RELN: variants seen among roughly 807,000 people sequenced by gnomAD.
RELN encodes the protein reelin.
Under a neutral mutation model 427.6 loss-of-function variants are expected in RELN, and 108 were observed. The ratio of observed to expected loss-of-function variants is 0.25; its 90% CI spans 0.22 to 0.30. The LOEUF (loss-of-function observed/expected upper bound fraction) is 0.30. Among genes scored for constraint, RELN ranks in the 10% least tolerant of loss-of-function variants. RELN has a pLI of 1.00. For synonymous variants in RELN, 1,524 were observed against 1,513.4 expected, an observed-to-expected ratio of 1.01 and a Z score of -0.16; for missense variants, 3,715 against 4,302.8, an observed-to-expected ratio of 0.86 and a Z score of 3.82.
intron 20 of RELN, among the ~76,000 whole-genome samples, chr7:103,612,503 G>A (rs1288838605): frequency 1.3e-5 from 2 of 151,966 alleles, no homozygotes; most frequent in African/African-American, 4.8e-5. Context: ...TCGAACTCCC[G>A]ACCTCAGGTG....
intron 2 of RELN, among the ~76,000 whole-genome samples, chr7:103,868,500 G>C (rs752501673): frequency 2.0e-5 from 3 of 152,034 alleles, no homozygotes; most frequent in Non-Finnish European, 4.4e-5. Flanking sequence ...CTAAGAAATT[G>C]TCCTTAGTTT....
rs1017886128 is a variant in RELN, at chr7:103,968,842, A to T, written c.226+20289T>A. Reference sequence around the variant, plus strand: ...TTACAGACAAAACTTCATAATATTTAAAAGAATTTGTATATGAATTGTCAT... The same window carrying T: ...TTACAGACAAAACTTCATAATATTTTAAAGAATTTGTATATGAATTGTCAT... On this transcript the variant is annotated intron_variant, in intron 1 of 64. Coordinates refer to ENST00000428762, the MANE Select transcript of RELN (RefSeq NM_005045.4). The surrounding 1 kb of genome is among the most constrained non-coding windows in gnomAD (Gnocchi z 4.3). 2.0e-5 allele frequency among the ~76,000 whole-genome samples: 3 copies of T among 152,228 alleles called. No individual in the cohort carries two copies. Among genetic ancestry groups the T allele is most frequent in the African/African-American group, 7.2e-5 (3 of 41,460 alleles).
Position 103,565,135 on chromosome 7 carries a change from C to G in RELN, c.5210+143G>C, listed in dbSNP as rs987680921. 3 of 1,067,842 alleles carry G rather than the reference C, an allele frequency of 2.8e-6. No individual in the cohort carries two copies. In the African/African-American group the frequency reaches 4.7e-5, roughly 17 times the overall value. The allele number at this position is 1,067,842 out of a possible 1,614,324, so 66.1% of individuals were successfully genotyped here. ...CATTTAAAACTTGCAACCCAAAGCACCTTGCACTTTTTTTTCTTCCTGGCA... is the reference window on the plus strand; with the variant it reads ...CATTTAAAACTTGCAACCCAAAGCAGCTTGCACTTTTTTTTCTTCCTGGCA... On this transcript the variant is annotated intron_variant, in intron 34 of 64. Coordinates refer to ENST00000428762, the MANE Select transcript of RELN (RefSeq NM_005045.4).
chr7:103,870,889 C>A (rs1027872078), intron 2 of RELN, among the ~76,000 whole-genome samples: 1 of 152,128 alleles, frequency 6.6e-6, no homozygotes, highest in Non-Finnish European at 1.5e-5. Flanking sequence ...TGGTGCCTAG[C>A]TCCACAGATT....
At chr7:103,686,200 A>C (rs1833761588) in intron 10 of RELN, among the ~76,000 whole-genome samples, 1 of 152,114 alleles carries the variant, frequency 6.6e-6, no homozygotes. Flanking sequence ...GGCAGATGGA[A>C]TGAAATCTGC....
At chr7:103,888,366 A>T (rs10231740) in intron 2 of RELN, among the ~76,000 whole-genome samples, 40,381 of 151,988 alleles carry the variant, frequency 0.27, 6,045 homozygotes, top group African/African-American at 0.4. Context: ...TTACCAGGCA[A>T]CTTTATTAGC....
At chr7:103,838,197 A>C (rs1009364129) in intron 2 of RELN, among the ~76,000 whole-genome samples, 1 of 113,044 alleles carries the variant, frequency 8.8e-6, no homozygotes, top group East Asian at 2.9e-4. Flanking sequence ...CGACAGAGCG[A>C]GACTTCGTCT....
chr7:103,550,599 G>T (rs1830388883), intron 41 of RELN, among the ~76,000 whole-genome samples: 1 of 151,440 alleles, frequency 6.6e-6, no homozygotes, highest in Admixed American at 6.6e-5. Flanking sequence ...AGATGCCTGG[G>T]GGCAACGTGC....
chr7:103,766,925 G>A (rs1791438266), intron 4 of RELN, among the ~76,000 whole-genome samples: 1 of 152,226 alleles, frequency 6.6e-6, no homozygotes. Flanking sequence ...CACAACAACA[G>A]AGAATTCCAG....
chr7:103,840,040 A>G (rs1563044067), intron 2 of RELN, among the ~76,000 whole-genome samples: 1 of 152,176 alleles, frequency 6.6e-6, no homozygotes. Flanking sequence ...ATGAAAACAT[A>G]CTTGCTTCCC....
intron 11 of RELN, among the ~76,000 whole-genome samples, chr7:103,676,349 C>T (rs1833523971): frequency 6.6e-6 from 1 of 152,108 alleles, no homozygotes; most frequent in African/African-American, 2.4e-5. Flanking sequence ...GATACCATCT[C>T]ACACCAGTTA....
intron 5 of RELN, among the ~76,000 whole-genome samples, 181 bp from the exon 6 acceptor site, chr7:103,749,685 G>A (rs71582886): frequency 0.02 from 3,072 of 152,262 alleles, 40 homozygotes; most frequent in Non-Finnish European, 0.031. Flanking sequence ...AAAAAGCTCT[G>A]CGGTTTAAAC....
At chr7:103,729,059 G>A (rs940239965) in intron 6 of RELN, among the ~76,000 whole-genome samples, 5 of 151,986 alleles carry the variant, frequency 3.3e-5, no homozygotes, top group Admixed American at 6.6e-5. Context: ...GTATATTTAC[G>A]GTAACATTTA....
intron 2 of RELN, among the ~76,000 whole-genome samples, chr7:103,884,989 T>C (rs558835983): frequency 6.6e-6 from 1 of 152,316 alleles, no homozygotes; most frequent in African/African-American, 2.4e-5. Context: ...CACATATGTT[T>C]CTTGCAGCAT....
At chr7:103,605,967 C>T (rs143221546) in intron 22 of RELN, among the ~76,000 whole-genome samples, 133 of 152,274 alleles carry the variant, frequency 8.7e-4, no homozygotes, top group African/African-American at 3.1e-3. Context: ...GCACCACCTC[C>T]TCTATGGTAA....
chr7:103,980,765 T>C (rs1796977022), intron 1 of RELN, among the ~76,000 whole-genome samples: 1 of 152,230 alleles, frequency 6.6e-6, no homozygotes, highest in Non-Finnish European at 1.5e-5. Context: ...TTTGCTATTG[T>C]CACTGTCATA....
Position 103,593,529 on chromosome 7 carries a change from G to T in RELN, c.3912+153C>A, listed in dbSNP as rs1831468728. 2.0e-5 allele frequency among the ~76,000 whole-genome samples: 3 copies of T among 152,300 alleles called. No individual in the cohort carries two copies. In the South Asian group the frequency reaches 6.2e-4, roughly 32 times the overall value. On this transcript the variant is annotated intron_variant, in intron 27 of 64. Transcript: ENST00000428762. The stretch of plus-strand genomic sequence containing the variant: ...AACTGCTTTCGAGTAGAGCTGAAAA[G>T]CTTCGCAATTCTAACACTGTTAAGC...
At chr7:103,635,273 G>A (rs1832553598) in intron 19 of RELN, 152 bp downstream of exon 19, 1 of 722,410 alleles carries the variant, frequency 1.4e-6, no homozygotes, top group African/African-American at 1.8e-5. Flanking sequence ...TGGATGGGTT[G>A]GCTTGGTAGT....
At chr7:103,647,421 G>A (rs759914363) in intron 16 of RELN, among the ~76,000 whole-genome samples, 9 of 151,072 alleles carry the variant, frequency 6.0e-5, no homozygotes, top group Non-Finnish European at 1.0e-4. Context: ...GATAATAAAC[G>A]GAGGATAAAA....
Sources: allele counts gnomAD v4.1 joint callset (sites outside exome capture counted in the v4.1 genomes callset), GRCh38; gene constraint gnomAD v4.1.1; non-coding constraint Gnocchi (gnomAD v3.1); transcripts MANE v1.5; gene names NCBI Gene and HGNC (gene_info 2026-07-23, HGNC 2026-07-21).